The following PTPRU variants were observed in gnomAD, a reference collection of about 807,000 sequenced individuals.
PTPRU encodes protein tyrosine phosphatase receptor type U.
Under a neutral mutation model 166.3 loss-of-function variants are expected in PTPRU, and 69 were observed. That is an observed-to-expected ratio of 0.41 (90% CI 0.34 to 0.51). The LOEUF is 0.51. PTPRU is among the 20% of genes least tolerant of loss of function. PTPRU has a pLI of 0.09. For missense variants in PTPRU, 1,657 were observed against 2,013.7 expected, an observed-to-expected ratio of 0.82 and a Z score of 3.39; for synonymous variants, 793 against 814.0, an observed-to-expected ratio of 0.97 and a Z score of 0.44.
At chr1:29,323,110 G>C in intron 26 of PTPRU, 1 of 446,444 alleles carries the variant, frequency 2.2e-6, no homozygotes, top group South Asian at 2.5e-5. Context: ...CACAGCAGTA[G>C]GCATCAGTGC....
intron 14 of PTPRU, chr1:29,289,811 C>A: frequency 7.1e-7 from 1 of 1,402,508 alleles, no homozygotes; most frequent in Non-Finnish European, 9.9e-7. Flanking sequence ...CTGCACCCAG[C>A]CTGGCCTGGT....
chr1:29,323,277 C>CA, intron 26 of PTPRU, 94 bp from the exon 27 acceptor site: 20 of 1,480,708 alleles, frequency 1.4e-5, no homozygotes, highest in Non-Finnish European at 1.8e-5. Flanking sequence ...GTGGGAGCCA[C>CA]AGGGCAAGTG....
rs35770096 is a variant in PTPRU, at chr1:29,315,105, T to C, written c.3228-267T>C. 0.092 allele frequency among the ~76,000 whole-genome samples: 14,051 copies of C among 152,206 alleles called. 729 individuals carry two copies. Among genetic ancestry groups the C allele is most frequent in the Middle Eastern group, 0.19 (55 of 294 alleles). On this transcript the variant is annotated intron_variant, in intron 22 of 29. Coordinates refer to ENST00000373779, the MANE Select transcript of PTPRU (RefSeq NM_133178.4). The surrounding 1 kb of genome is among the most constrained non-coding windows in gnomAD (Gnocchi z 4.5). ...TCTCTCCTAATCTTAAGTTGCTAGGTTGAGCCAGTGTCACCTTTGCATTCT... is the reference window on the plus strand; with the variant it reads ...TCTCTCCTAATCTTAAGTTGCTAGGCTGAGCCAGTGTCACCTTTGCATTCT...
chr1:29,301,927 G>A (rs1687151436), intron 15 of PTPRU, among the ~76,000 whole-genome samples: 1 of 152,086 alleles, frequency 6.6e-6, no homozygotes, highest in African/African-American at 2.4e-5. Flanking sequence ...CCTTTTTTAT[G>A]GCTGCATAGT....
chr1:29,275,295 A>C (rs1428770001), intron 7 of PTPRU, among the ~76,000 whole-genome samples, 153 bp from the exon 8 acceptor site: 1 of 151,870 alleles, frequency 6.6e-6, no homozygotes, highest in African/African-American at 2.4e-5. Flanking sequence ...ACATACTTTT[A>C]CTCCCTGTTT....
At chr1:29,288,155 T>C (rs1363814774) in intron 14 of PTPRU, among the ~76,000 whole-genome samples, 4 of 152,142 alleles carry the variant, frequency 2.6e-5, no homozygotes, top group African/African-American at 9.7e-5. Flanking sequence ...TGGAAGCGCA[T>C]GGAGGTGAAG....
intron 22 of PTPRU, 42 bp downstream of exon 22, chr1:29,312,748 C>G (rs759767408): frequency 1.3e-6 from 2 of 1,571,040 alleles, no homozygotes; most frequent in Non-Finnish European, 1.7e-6. Flanking sequence ...GGGCCCTTCT[C>G]CCTGGGAATT....
intron 7 of PTPRU, among the ~76,000 whole-genome samples, chr1:29,261,328 A>G (rs1489806777): frequency 2.0e-5 from 3 of 152,168 alleles, no homozygotes; most frequent in Non-Finnish European, 2.9e-5. Flanking sequence ...ACTAAATACC[A>G]TCAAATACAA....
rs1287933638 is a variant in PTPRU at position 29,311,165 on chromosome 1, A to G, written c.2858-291A>G. Among the ~76,000 whole-genome samples the G allele has an allele frequency of 1.3e-5, 2 of 151,968 alleles. No homozygotes were observed. The highest frequency in any genetic ancestry group is 4.8e-5 in the African/African-American group (2 of 41,358). ...TTTGCATCCCTTTCCACGACTGTCC[A>G]TCTGTCTGTCCCTCCTGGACACTCA... On this transcript the variant is annotated intron_variant, in intron 19 of 29. Coordinates refer to ENST00000373779, the MANE Select transcript of PTPRU (RefSeq NM_133178.4). The surrounding 1 kb of genome is among the most constrained non-coding windows in gnomAD (Gnocchi z 4.1).
chr1:29,279,670 T>C lies in PTPRU; in HGVS notation c.1765+13T>C, dbSNP rs1396583193. 3 of 1,608,652 alleles carry C rather than the reference T, an allele frequency of 1.9e-6. No homozygotes were observed. The highest frequency in any genetic ancestry group is 2.5e-6 in the Non-Finnish European group (3 of 1,179,506). ...ACTAACATCTCTGGTGAGCCCCACC[T>C]GACCCGGCCCAGCCTCTTCGGAGGT... On this transcript the variant is annotated intron_variant, in intron 10 of 29. Transcript: ENST00000373779. This position sits in a 1 kb window ranked among gnomAD's most constrained non-coding sequence, Gnocchi z 5.2.
intron 15 of PTPRU, among the ~76,000 whole-genome samples, chr1:29,298,969 G>T (rs1244349661): frequency 1.3e-5 from 2 of 152,194 alleles, no homozygotes; most frequent in African/African-American, 4.8e-5. Flanking sequence ...CTGTGCTTCT[G>T]TAGGAAAGAA....
chr1:29,253,877 G>A (rs866008779), intron 1 of PTPRU, among the ~76,000 whole-genome samples: 12 of 152,026 alleles, frequency 7.9e-5, no homozygotes, highest in African/African-American at 1.5e-4. Context: ...TATGCTAGGC[G>A]TTGTGCTAAG....
rs771889038 is a variant in PTPRU at position 29,315,469 on chromosome 1, ACT to A, written c.3330_3331del (p.Cys1111LeufsTer10). 1.9e-6 allele frequency: 3 copies of A among 1,613,308 alleles called. No homozygotes were observed. The highest frequency in any genetic ancestry group is 1.1e-5 in the South Asian group (1 of 91,008). On this transcript the variant is annotated frameshift_variant, in exon 23 of 30. Coordinates refer to ENST00000373779, the MANE Select transcript of PTPRU (RefSeq NM_133178.4). LOFTEE classifies it high-confidence loss of function. This position sits in a 1 kb window ranked among gnomAD's most constrained non-coding sequence, Gnocchi z 4.5. ...GVVDIYNCVK[T>X]LCSRRVNMIQ... ...CGTGGACATTTACAACTGTGTGAAG[ACT>A]CTCTGCTCCCGGCGTGTCAACATGA...
At chr1:29,243,096 A>G (rs955422816) in intron 1 of PTPRU, among the ~76,000 whole-genome samples, 1 of 151,960 alleles carries the variant, frequency 6.6e-6, no homozygotes, top group Non-Finnish European at 1.5e-5. Context: ...ACGGGGTTTC[A>G]CTGTGTTAGC....
intron 1 of PTPRU, among the ~76,000 whole-genome samples, chr1:29,240,569 C>G (rs1278393344): frequency 6.6e-6 from 1 of 152,014 alleles, no homozygotes; most frequent in African/African-American, 2.4e-5. Flanking sequence ...GTGAAAAGGC[C>G]ATGTTGAGAG....
At chr1:29,284,371 T>G (rs766970340) in intron 13 of PTPRU, among the ~76,000 whole-genome samples, 6 of 152,152 alleles carry the variant, frequency 3.9e-5, no homozygotes, top group Non-Finnish European at 7.4e-5. Context: ...TGAGATGGAC[T>G]AACCATGCCC....
intron 8 of PTPRU, among the ~76,000 whole-genome samples, chr1:29,278,727 C>G (rs1449043169): frequency 1.3e-5 from 2 of 152,230 alleles, no homozygotes; most frequent in Non-Finnish European, 2.9e-5. Context: ...TGAATGCAAC[C>G]TACACAGTAA....
chr1:29,304,220 AT>A (rs1019030141), intron 16 of PTPRU, among the ~76,000 whole-genome samples, 175 bp downstream of exon 16: 1 of 152,084 alleles, frequency 6.6e-6, no homozygotes. Flanking sequence ...TTTTAGACTG[AT>A]TTGGTTTTTC....
At chr1:29,253,163 G>T (rs1684630363) in intron 1 of PTPRU, among the ~76,000 whole-genome samples, 1 of 152,234 alleles carries the variant, frequency 6.6e-6, no homozygotes, top group Non-Finnish European at 1.5e-5. Context: ...TGGGAGAAGG[G>T]ACATGGAGCT....
Sources: allele counts gnomAD v4.1 joint callset (sites outside exome capture counted in the v4.1 genomes callset), GRCh38; gene constraint gnomAD v4.1.1; non-coding constraint Gnocchi (gnomAD v3.1); transcripts MANE v1.5; gene names NCBI Gene and HGNC (gene_info 2026-07-23, HGNC 2026-07-21).